SLC9A6: variants seen among roughly 807,000 people sequenced by gnomAD.
SLC9A6 encodes the protein sodium/hydrogen exchanger 6.
A neutral mutation model predicts 45.3 loss-of-function variants in SLC9A6; 6 were observed. That is an observed-to-expected ratio of 0.13 (90% CI 0.07 to 0.26). The LOEUF (loss-of-function observed/expected upper bound fraction) is 0.26. Ranked by LOEUF, SLC9A6 falls within the 10% of genes least tolerant of loss-of-function variation. The pLI is 1.00. For missense variants in SLC9A6, 278 were observed against 503.7 expected (o/e 0.55, Z 4.29); for synonymous variants, 191 against 187.7 (o/e 1.02, Z -0.14).
intron 1 of SLC9A6, chrX:135,975,247 C>T (rs2089255194): frequency 8.9e-6 from 1 of 112,575 alleles, no homozygotes; most frequent in African/African-American, 3.2e-5. Context: ...ACCAGTTCCT[C>T]CAGTGACCCC....
intron 10 of SLC9A6, 110 bp from the exon 11 acceptor site, chrX:136,016,535 A>G (rs2071022036): frequency 2.0e-6 from 1 of 497,851 alleles, no homozygotes; most frequent in Non-Finnish European, 3.6e-6. Flanking sequence ...TTTTGTGTGT[A>G]TGCATGAAGT....
chrX:136,015,343 A>C (rs1423336395), intron 10 of SLC9A6, among the ~76,000 whole-genome samples: 1 of 112,176 alleles, frequency 8.9e-6, no homozygotes, highest in African/African-American at 3.2e-5. Context: ...TTGGCCTGCA[A>C]ATCCTCTCAT....
intron 1 of SLC9A6, among the ~76,000 whole-genome samples, chrX:135,979,790 G>A (rs1158950451): frequency 8.9e-6 from 1 of 111,970 alleles, no homozygotes; most frequent in Non-Finnish European, 1.9e-5. Flanking sequence ...TCTTGAAATG[G>A]AGTCTTGCTC....
intron 17 of SLC9A6, among the ~76,000 whole-genome samples, chrX:136,042,228 G>T (rs1299539810): frequency 2.8e-5 from 3 of 107,905 alleles, no homozygotes; most frequent in Non-Finnish European, 5.8e-5. Flanking sequence ...AGGCTGGAGT[G>T]CAGTGGCGCG....
chrX:136,041,187 T>C (rs1337203670), intron 17 of SLC9A6, among the ~76,000 whole-genome samples: 2 of 111,448 alleles, frequency 1.8e-5, no homozygotes, highest in African/African-American at 3.3e-5. Flanking sequence ...ATCTATGACA[T>C]CATATAGGCT....
intron 3 of SLC9A6, among the ~76,000 whole-genome samples, chrX:135,996,964 C>T (rs1246439454): frequency 1.8e-5 from 2 of 110,667 alleles, no homozygotes; most frequent in Non-Finnish European, 3.8e-5. Flanking sequence ...GACGGGGTTT[C>T]ACCGTGTTAG....
chrX:136,009,549 A>T (rs2070879203), intron 7 of SLC9A6, among the ~76,000 whole-genome samples: 1 of 111,944 alleles, frequency 8.9e-6, no homozygotes, highest in Non-Finnish European at 1.9e-5. Flanking sequence ...GATTTGTATG[A>T]TGTTGTTGAG....
At chrX:136,002,588 G>A (rs1556617499) in intron 7 of SLC9A6, among the ~76,000 whole-genome samples, 1 of 108,419 alleles carries the variant, frequency 9.2e-6, no homozygotes, top group Non-Finnish European at 1.9e-5. Context: ...GGAGATAAGA[G>A]TCTCACTCTA....
chrX:136,034,821 C>T (rs2071386755), intron 16 of SLC9A6, among the ~76,000 whole-genome samples: 1 of 111,700 alleles, frequency 9.0e-6, no homozygotes, highest in Admixed American at 9.6e-5. Flanking sequence ...GAAAGAGAGC[C>T]TGGCTCTTAA....
At chrX:136,033,381 A>C in intron 15 of SLC9A6, 33 bp from the exon 16 acceptor site, 1 of 904,231 alleles carries the variant, frequency 1.1e-6, no homozygotes, top group African/African-American at 1.9e-5. Context: ...ATATCTTTGT[A>C]TAGATATTGA....
rs928032497 is a variant in SLC9A6 at position 136,005,703 on chromosome X, G to A, written c.743+3490G>A. 3.7e-5 allele frequency among the ~76,000 whole-genome samples: 4 copies of A among 108,432 alleles called. No individual in the cohort carries two copies. In the East Asian group the frequency reaches 8.6e-4, roughly 23 times the overall value. The allele number at this position is 108,432 out of a possible 115,157, so 94.2% of individuals were successfully genotyped here. The stretch of plus-strand genomic sequence containing the variant: ...CAAAAAAAAAAAAAAAAGAGAGAGA[G>A]CCCTTTCCATAGCATTTCTCACAAA... On this transcript the variant is annotated intron_variant, in intron 7 of 17. Coordinates refer to ENST00000630721, the MANE Select transcript of SLC9A6 (RefSeq NM_001379110.1).
upstream of SLC9A6, among the ~76,000 whole-genome samples, chrX:135,984,593 A>T (rs1288601004): frequency 3.6e-5 from 4 of 111,749 alleles, no homozygotes; most frequent in African/African-American, 1.3e-4. Flanking sequence ...CTGGTGAGAG[A>T]GGTTGGACAG....
At chrX:135,996,578 C>T (rs2089500354) in intron 3 of SLC9A6, among the ~76,000 whole-genome samples, 1 of 111,195 alleles carries the variant, frequency 9.0e-6, no homozygotes, top group Non-Finnish European at 1.9e-5. Context: ...AGTGGGCTAT[C>T]GGAAGTAGAA....
At chrX:136,041,623 G>A (rs1247902782) in intron 17 of SLC9A6, among the ~76,000 whole-genome samples, 2 of 111,901 alleles carry the variant, frequency 1.8e-5, no homozygotes, top group Non-Finnish European at 3.8e-5. Flanking sequence ...AGGCAGTGAA[G>A]CTTGGCTCTT....
chrX:136,041,510 C>G (rs2071510398), intron 17 of SLC9A6, among the ~76,000 whole-genome samples: 1 of 111,819 alleles, frequency 8.9e-6, no homozygotes. Flanking sequence ...CCTCCTCTCC[C>G]TTCCACATTG....
intron 7 of SLC9A6, among the ~76,000 whole-genome samples, chrX:136,009,148 A>T (rs183668814): frequency 2.7e-5 from 3 of 111,689 alleles, no homozygotes; most frequent in Non-Finnish European, 5.6e-5. Flanking sequence ...TGGTAGTGGG[A>T]CCCTTTATAT....
rs1556618897 is a variant in SLC9A6 at position 136,013,365 on chromosome X, G to A, written c.1008G>A (p.Leu336=). ...AWGFTGVVAV[L]FCGITQAHYT... is the part of the protein sequence containing the mutation. ...TCTTTATAGGTGTAGTTGCAGTATT[G>A]TTTTGTGGCATCACACAAGCACATT... Residue 336 remains leucine (L), a synonymous_variant, in exon 10 of 18, where the codon TTG becomes TTA. Transcript: ENST00000630721. 1 of 1,206,179 alleles carries A rather than the reference G, an allele frequency of 8.3e-7. No individual in the cohort carries two copies. Among genetic ancestry groups the A allele is most frequent in the Non-Finnish European group, 1.1e-6 (1 of 890,669 alleles).
intron 6 of SLC9A6, among the ~76,000 whole-genome samples, chrX:136,001,487 C>T (rs1024111630): frequency 9.0e-6 from 1 of 111,304 alleles, no homozygotes; most frequent in Non-Finnish European, 1.9e-5. Context: ...TAAGATTTCT[C>T]ATATAATTGC....
At chrX:135,979,706 C>T in intron 1 of SLC9A6, among the ~76,000 whole-genome samples, 1 of 112,352 alleles carries the variant, frequency 8.9e-6, no homozygotes, top group Non-Finnish European at 1.9e-5. Flanking sequence ...GGCCTCACTA[C>T]TCTTCAGCAA....
Sources: gnomAD v4.1 joint callset for allele counts (sites outside exome capture counted in the v4.1 genomes callset) on GRCh38, gnomAD v4.1.1 for gene constraint, MANE v1.5 for transcripts, NCBI Gene and HGNC (gene_info 2026-07-23, HGNC 2026-07-21) for gene names.